Variants in ENPP1 observed in about 807,000 individuals in gnomAD.
The protein encoded by ENPP1 is ectonucleotide pyrophosphatase/phosphodiesterase 1, also known as ectonucleotide pyrophosphatase/phosphodiesterase family member 1.
A neutral mutation model predicts 122.8 loss-of-function variants in ENPP1; 73 were observed. That is an observed-to-expected ratio of 0.59 (90% CI 0.49 to 0.72). The LOEUF is 0.72. Among genes scored for constraint, ENPP1 ranks in the 30% least tolerant of loss-of-function variants. ENPP1 has a pLI of 0.00. For missense variants in ENPP1, 978 were observed against 1,128.1 expected (o/e 0.87, Z 1.91); for synonymous variants, 367 against 391.6 (o/e 0.94, Z 0.74).
intron 8 of ENPP1, 93 bp downstream of exon 8, chr6:131,860,599 T>G: frequency 2.1e-6 from 2 of 953,160 alleles, no homozygotes; most frequent in Non-Finnish European, 3.3e-6. Flanking sequence ...TTTTAATAAC[T>G]GATTTCATTT....
At chr6:131,835,364 T>C (rs1781661625) in intron 1 of ENPP1, among the ~76,000 whole-genome samples, 1 of 152,188 alleles carries the variant, frequency 6.6e-6, no homozygotes, top group Admixed American at 6.5e-5. Flanking sequence ...AATGCTTATT[T>C]ATCAGGATAA....
At chr6:131,843,691 C>G (rs1470785122) in intron 1 of ENPP1, among the ~76,000 whole-genome samples, 1 of 149,572 alleles carries the variant, frequency 6.7e-6, no homozygotes. Flanking sequence ...TTTCCCACTT[C>G]CACTCTTAGA....
At chr6:131,831,941 C>T (rs1346795932) in intron 1 of ENPP1, among the ~76,000 whole-genome samples, 2 of 152,008 alleles carry the variant, frequency 1.3e-5, no homozygotes, top group Non-Finnish European at 2.9e-5. Context: ...TTTGTTCTCC[C>T]CCTTATATTT....
At chr6:131,817,618 C>T (rs140129495) in intron 1 of ENPP1, among the ~76,000 whole-genome samples, 1 of 151,918 alleles carries the variant, frequency 6.6e-6, no homozygotes, top group Admixed American at 6.6e-5. Context: ...GTGGCTCATG[C>T]CTCTAAAGGA....
At chr6:131,854,614 G>A (rs186034375) in intron 5 of ENPP1, among the ~76,000 whole-genome samples, 5 of 152,138 alleles carry the variant, frequency 3.3e-5, no homozygotes, top group Admixed American at 1.3e-4. Flanking sequence ...GTAGCAATTG[G>A]TGTAGCTTTT....
At position 131,868,140 on chromosome 6, in the gene ENPP1, G is replaced by A; in HGVS notation, c.1273+14G>A. ...TTTCAGATCATGGTAATCTGAATTT[G>A]CATTATTTACTCTTCAGGATAAAGG... On this transcript the variant is annotated intron_variant, in intron 12 of 24. Transcript: ENST00000647893. The A allele has an allele frequency of 1.9e-6, 3 of 1,564,450 alleles. No individual in the cohort carries two copies. The highest frequency in any genetic ancestry group is 2.6e-6 in the Non-Finnish European group (3 of 1,135,196).
chr6:131,843,590 A>G (rs905303563), intron 1 of ENPP1, among the ~76,000 whole-genome samples: 4 of 150,196 alleles, frequency 2.7e-5, no homozygotes, highest in Non-Finnish European at 5.9e-5. Context: ...CATTCCACCC[A>G]TGCCTTAATT....
At chr6:131,833,457 C>G (rs1456210945) in intron 1 of ENPP1, among the ~76,000 whole-genome samples, 1 of 151,958 alleles carries the variant, frequency 6.6e-6, no homozygotes, top group Admixed American at 6.6e-5. Flanking sequence ...CCTTGTTCCC[C>G]CATCCCAATG....
chr6:131,883,838 A>G (rs548591632), intron 22 of ENPP1, 64 bp downstream of exon 22: 15 of 829,654 alleles, frequency 1.8e-5, no homozygotes, highest in African/African-American at 1.3e-4. Context: ...GGCATAATTC[A>G]TATGTAATAG....
Position 131,850,579 on chromosome 6 carries a change from A to G in ENPP1, c.430+473A>G, listed in dbSNP as rs539253790. Among the ~76,000 whole-genome samples, 57 of 152,200 alleles carry G rather than the reference A, an allele frequency of 3.7e-4. 1 individual carries two copies. Among genetic ancestry groups the G allele is most frequent in the Middle Eastern group, 6.8e-3 (2 of 294 alleles). On this transcript the variant is annotated intron_variant, in intron 3 of 24. Coordinates refer to ENST00000647893, the MANE Select transcript of ENPP1 (RefSeq NM_006208.3). ...ATTTATTTATTTTTCATTAGTATTTATTTTTTAAAGACAGGGACTTGTTCT... is the reference window on the plus strand; with the variant it reads ...ATTTATTTATTTTTCATTAGTATTTGTTTTTTAAAGACAGGGACTTGTTCT...
chr6:131,838,792 G>C (rs2114679085), intron 1 of ENPP1, among the ~76,000 whole-genome samples: 1 of 152,062 alleles, frequency 6.6e-6, no homozygotes, highest in East Asian at 1.9e-4. Flanking sequence ...AACACAAATA[G>C]AGATGCTGCA....
chr6:131,857,664 G>T (rs1026014932), intron 6 of ENPP1, among the ~76,000 whole-genome samples: 36 of 152,180 alleles, frequency 2.4e-4, no homozygotes, highest in African/African-American at 8.0e-4. Flanking sequence ...GTGGGGTGAG[G>T]GGGGAGCGAT....
At position 131,876,671 on chromosome 6, in the gene ENPP1, A is replaced by C. The variant is rs367829882; in HGVS notation, c.1724-321A>C. Among the ~76,000 whole-genome samples the C allele has an allele frequency of 1.0e-3, 159 of 152,304 alleles. 7 individuals are homozygous for C. The South Asian group carries it at 0.032, about 31-fold the overall frequency. Reference sequence around the variant, plus strand: ...TACCAAATATTGATGATAACTTATAAAATTGTTTTGGGGAATAAATAAGAA... The same window carrying C: ...TACCAAATATTGATGATAACTTATACAATTGTTTTGGGGAATAAATAAGAA... On this transcript the variant is annotated intron_variant, in intron 17 of 24. Transcript: ENST00000647893.
chr6:131,849,375 G>A (rs1043079329), intron 2 of ENPP1, among the ~76,000 whole-genome samples: 3 of 152,114 alleles, frequency 2.0e-5, no homozygotes, highest in Non-Finnish European at 2.9e-5. Flanking sequence ...ATGGAAATCA[G>A]GCCTAGCTGG....
intron 10 of ENPP1, 41 bp downstream of exon 10, chr6:131,864,612 G>C: frequency 7.4e-7 from 1 of 1,349,108 alleles, no homozygotes; most frequent in Non-Finnish European, 1.1e-6. Context: ...ACTTCGTTTT[G>C]TAGAAATGAT....
Position 131,864,546 on chromosome 6 carries a change from T to C in ENPP1, c.1066T>C (p.Trp356Arg), listed in dbSNP as rs751147622. The C allele has an allele frequency of 6.2e-7, 1 of 1,610,084 alleles. No homozygotes were observed. The highest frequency in any genetic ancestry group is 8.5e-7 in the Non-Finnish European group (1 of 1,176,572). Residue 356 changes from tryptophan (W) to arginine (R), a missense_variant, in exon 10 of 25, where the codon TGG (tryptophan) becomes CGG (arginine). By Grantham distance (101) the Trp-to-Arg change is moderately radical. Transcript: ENST00000647893. ...FEERILAVLQ[W>R]LQLPKDERPH... ...AGAAAGGATTTTAGCTGTTCTTCAGTGGCTACAGCTTCCTAAAGATGAAAG... is the reference window on the plus strand; with the variant it reads ...AGAAAGGATTTTAGCTGTTCTTCAGCGGCTACAGCTTCCTAAAGATGAAAG...
At position 131,858,216 on chromosome 6, in the gene ENPP1, G is replaced by A. The variant is rs1171516225; in HGVS notation, c.716-452G>A. Among the ~76,000 whole-genome samples, 3 of 152,302 alleles carry A rather than the reference G, an allele frequency of 2.0e-5. No homozygotes were observed. In the South Asian group the frequency reaches 6.2e-4, roughly 32 times the overall value. ...CCACAAGATGCCTTTTGTCTTTAAA[G>A]CAGCTGAGTTTGTCCAGGGTTAGCT... On this transcript the variant is annotated intron_variant, in intron 6 of 24. Coordinates refer to ENST00000647893, the MANE Select transcript of ENPP1 (RefSeq NM_006208.3).
chr6:131,851,158 C>T lies in ENPP1; in HGVS notation c.447C>T (p.Cys149=). Residue 149 remains cysteine, a synonymous_variant, in exon 4 of 25, where the codon TGC becomes TGT. Transcript: ENST00000647893. ...TCIEPEHIWT[C]NKFRCGEKRL... ...TGTTTCTAGAACATATATGGACTTG[C>T]AACAAATTCAGGTGTGGTGAGAAAA... 1.2e-6 allele frequency: 2 copies of T among 1,613,994 alleles called. No individual in the cohort carries two copies. The highest frequency in any genetic ancestry group is 2.2e-5 in the South Asian group (2 of 91,082).
At chr6:131,814,000 G>A (rs1339282645) in intron 1 of ENPP1, among the ~76,000 whole-genome samples, 1 of 152,234 alleles carries the variant, frequency 6.6e-6, no homozygotes, top group East Asian at 1.9e-4. Flanking sequence ...AAATGGAAGA[G>A]CCTTAGGCCA....
Sources: allele counts gnomAD v4.1 joint callset (sites outside exome capture counted in the v4.1 genomes callset), GRCh38; gene constraint gnomAD v4.1.1; transcripts MANE v1.5; gene names NCBI Gene and HGNC (gene_info 2026-07-23, HGNC 2026-07-21).